The following ADAMTSL3 variants were observed in gnomAD, a reference collection of about 807,000 sequenced individuals.
ADAMTSL3 encodes ADAMTS like 3.
Under a neutral mutation model 201.7 loss-of-function variants are expected in ADAMTSL3, and 128 were observed. The ratio of observed to expected loss-of-function variants is 0.63; its 90% CI spans 0.55 to 0.73. The LOEUF (loss-of-function observed/expected upper bound fraction) is 0.73. ADAMTSL3 is among the 30% of genes least tolerant of loss of function. ADAMTSL3 has a pLI of 0.00. For missense variants in ADAMTSL3, 1,990 were observed against 2,119.6 expected, an observed-to-expected ratio of 0.94 and a Z score of 1.20; for synonymous variants, 738 against 748.4, an observed-to-expected ratio of 0.99 and a Z score of 0.23.
intron 6 of ADAMTSL3, among the ~76,000 whole-genome samples, chr15:83,826,220 C>G (rs2064018483): frequency 1.3e-5 from 2 of 151,986 alleles, no homozygotes; most frequent in African/African-American, 4.8e-5. Flanking sequence ...ATCCTCCCAA[C>G]CTAGTCTGCA....
intron 17 of ADAMTSL3, among the ~76,000 whole-genome samples, chr15:83,926,187 G>T (rs2141995465): frequency 6.6e-6 from 1 of 152,304 alleles, no homozygotes; most frequent in Middle Eastern, 3.4e-3. Flanking sequence ...GCCAGGAGAG[G>T]TGTAGAGGAA....
chr15:83,822,225 C>A (rs1324052172), intron 6 of ADAMTSL3, among the ~76,000 whole-genome samples: 1 of 150,670 alleles, frequency 6.6e-6, no homozygotes, highest in African/African-American at 2.4e-5. Flanking sequence ...GGAGACGCTC[C>A]TCACTTCCCA....
At position 83,793,011 on chromosome 15, in the gene ADAMTSL3, G is replaced by T. The variant is rs570778644; in HGVS notation, c.318-11639G>T. On this transcript the variant is annotated intron_variant, in intron 4 of 29. Coordinates refer to ENST00000286744, the MANE Select transcript of ADAMTSL3 (RefSeq NM_207517.3). ...ATAATACTATTCAGCCATGAAAAAT[G>T]AAGGAAATCCTATTATTTGTGACAA... Among the ~76,000 whole-genome samples, 5 of 152,246 alleles carry T rather than the reference G, an allele frequency of 3.3e-5. No individual in the cohort carries two copies. The East Asian group carries it at 5.8e-4, about 18-fold the overall frequency.
At chr15:83,684,877 G>A (rs2061516283) in intron 2 of ADAMTSL3, among the ~76,000 whole-genome samples, 1 of 152,028 alleles carries the variant, frequency 6.6e-6, no homozygotes, top group Non-Finnish European at 1.5e-5. Flanking sequence ...GGAATTGCTG[G>A]GGGAAATGAT....
intron 4 of ADAMTSL3, among the ~76,000 whole-genome samples, chr15:83,784,795 C>T (rs1382443549): frequency 1.3e-5 from 2 of 151,532 alleles, no homozygotes; most frequent in Admixed American, 6.6e-5. Flanking sequence ...ATTACTTAGG[C>T]TTTTTTTTCT....
At chr15:83,776,645 A>C (rs1421279047) in intron 4 of ADAMTSL3, among the ~76,000 whole-genome samples, 2 of 152,056 alleles carry the variant, frequency 1.3e-5, no homozygotes, top group Admixed American at 6.5e-5. Flanking sequence ...TGAACTCGGG[A>C]GGTGGAGGTT....
chr15:83,792,201 AC>A (rs2063355396), intron 4 of ADAMTSL3, among the ~76,000 whole-genome samples: 1 of 152,194 alleles, frequency 6.6e-6, no homozygotes. Flanking sequence ...TGGGCAAAGG[AC>A]CCAAATAGAC....
At chr15:83,692,685 CAAAAAAAAAAA>C (rs766382952) in intron 2 of ADAMTSL3, among the ~76,000 whole-genome samples, 1 of 43,322 alleles carries the variant, frequency 2.3e-5, no homozygotes, top group South Asian at 1.0e-3. Flanking sequence ...GACTCCATCT[CAAAAAAAAAAA>C]AAAAAAAAAA....
intron 20 of ADAMTSL3, among the ~76,000 whole-genome samples, chr15:83,977,027 C>A (rs1596488589): frequency 6.6e-6 from 1 of 152,296 alleles, no homozygotes; most frequent in South Asian, 2.1e-4. Context: ...TGGTCCATAG[C>A]CTGTTGGGAA....
At chr15:84,021,384 C>T (rs373961232) in intron 25 of ADAMTSL3, 26 bp from the exon 26 acceptor site, 38 of 1,612,778 alleles carry the variant, frequency 2.4e-5, no homozygotes, top group Non-Finnish European at 3.2e-5. Context: ...TTGGGGCTGG[C>T]ATGATATTTT....
intron 2 of ADAMTSL3, among the ~76,000 whole-genome samples, chr15:83,698,307 A>G (rs962069350): frequency 3.3e-5 from 5 of 152,026 alleles, no homozygotes; most frequent in Non-Finnish European, 7.4e-5. Context: ...TAGCCATCCC[A>G]TATACACTTC....
chr15:83,719,765 C>A (rs2062071647), intron 3 of ADAMTSL3, among the ~76,000 whole-genome samples: 1 of 152,106 alleles, frequency 6.6e-6, no homozygotes, highest in Non-Finnish European at 1.5e-5. Flanking sequence ...AACAACAAAA[C>A]AGCATCAACA....
intron 5 of ADAMTSL3, among the ~76,000 whole-genome samples, chr15:83,815,178 A>G (rs2063753899): frequency 6.6e-6 from 1 of 151,910 alleles, no homozygotes; most frequent in Admixed American, 6.6e-5. Flanking sequence ...CCTTTTTATT[A>G]CTTCTATCAG....
rs115287731 is a variant in ADAMTSL3 at position 84,026,213 on chromosome 15, C to T, written c.4656+777C>T. 4.0e-3 allele frequency among the ~76,000 whole-genome samples: 611 copies of T among 152,144 alleles called. 6 individuals carry two copies. Among genetic ancestry groups the T allele is most frequent in the African/African-American group, 0.014 (568 of 41,520 alleles). ...ATGGTGTATAATCAGAGCTCAGAAA[C>T]GGACCAGATTGACTTTAACATTTAA... On this transcript the variant is annotated intron_variant, in intron 27 of 29. Coordinates refer to ENST00000286744, the MANE Select transcript of ADAMTSL3 (RefSeq NM_207517.3).
chr15:83,910,635 CTT>C (rs3044681), intron 15 of ADAMTSL3, among the ~76,000 whole-genome samples: 75,181 of 130,692 alleles, frequency 0.58, 21,360 homozygotes, highest in African/African-American at 0.71. Context: ...TTAGGTGAAC[CTT>C]TTTTTTTTTT....
At chr15:83,876,220 C>T (rs7168224) in intron 9 of ADAMTSL3, among the ~76,000 whole-genome samples, 3,908 of 152,208 alleles carry the variant, frequency 0.026, 177 homozygotes, top group African/African-American at 0.086. Flanking sequence ...TTCCTAAACT[C>T]GTTTATTGGT....
chr15:84,001,119 G>T (rs1262136389), intron 23 of ADAMTSL3, among the ~76,000 whole-genome samples: 1 of 152,180 alleles, frequency 6.6e-6, no homozygotes, highest in African/African-American at 2.4e-5. Flanking sequence ...AAGCCTGCCA[G>T]TCACTCAAGA....
At chr15:83,847,258 C>CT (rs1204941705) in intron 7 of ADAMTSL3, among the ~76,000 whole-genome samples, 1 of 152,172 alleles carries the variant, frequency 6.6e-6, no homozygotes, top group Admixed American at 6.5e-5. Flanking sequence ...CCTACATTTG[C>CT]TTTTTCTACT....
In ADAMTSL3 at chr15:83,776,569, T is replaced by A. The variant is rs2063077880; in HGVS notation, c.317+2919T>A. Among the ~76,000 whole-genome samples, 3 of 151,982 alleles carry A rather than the reference T, an allele frequency of 2.0e-5. No individual in the cohort carries two copies. In the South Asian group the frequency reaches 6.2e-4, roughly 32 times the overall value. On this transcript the variant is annotated intron_variant, in intron 4 of 29. Coordinates refer to ENST00000286744, the MANE Select transcript of ADAMTSL3 (RefSeq NM_207517.3). ...CCCATCTCTACTAAAAATACAAAAT[T>A]AGCTGGGCATGGTGGCACATGCCTG...
Sources: allele counts gnomAD v4.1 joint callset (sites outside exome capture counted in the v4.1 genomes callset), GRCh38; gene constraint gnomAD v4.1.1; transcripts MANE v1.5; gene names NCBI Gene and HGNC (gene_info 2026-07-23, HGNC 2026-07-21).